Variants in ESRRG observed in about 807,000 individuals in gnomAD.
ESRRG encodes estrogen related receptor gamma.
A neutral mutation model predicts 44.0 loss-of-function variants in ESRRG; 13 were observed. The ratio of observed to expected loss-of-function variants is 0.30; its 90% CI spans 0.19 to 0.47. The LOEUF is 0.47. Ranked by LOEUF, ESRRG falls within the 20% of genes least tolerant of loss-of-function variation. The pLI is 1.00. For synonymous variants in ESRRG, 215 were observed against 214.6 expected (o/e 1.00, Z -0.02); for missense variants, 395 against 580.6 (o/e 0.68, Z 3.29).
intron 2 of ESRRG, among the ~76,000 whole-genome samples, chr1:216,813,001 C>T (rs537401753): frequency 1.3e-5 from 2 of 152,226 alleles, no homozygotes; most frequent in African/African-American, 2.4e-5. Context: ...TTAACTGAGA[C>T]AAAAGAATGC....
At position 216,809,325 on chromosome 1, in the gene ESRRG, TAAAAA is replaced by T. The variant is rs201618241; in HGVS notation, c.-14+130252_-14+130256del. On this transcript the variant is annotated intron_variant, in intron 2 of 7. Transcript: ENST00000359162. ...CAAGGGTCTGACTGCTTTTTTACAG[TAAAAA>T]AAAAAAAAAAAAAAAAACCCCATGA... 2.0e-3 allele frequency among the ~76,000 whole-genome samples: 241 copies of T among 119,112 alleles called. 1 individual carries two copies. The highest frequency in any genetic ancestry group is 5.4e-3 in the Admixed American group (63 of 11,636). 78.1% of individuals were successfully genotyped at this position (119,112 alleles called of 152,430 possible).
chr1:216,736,079 G>A (rs1409602725), intron 2 of ESRRG, among the ~76,000 whole-genome samples: 1 of 150,854 alleles, frequency 6.6e-6, no homozygotes, highest in Admixed American at 6.6e-5. Context: ...GAACAGGGGG[G>A]GAGTTTCCCA....
chr1:216,536,596 T>C (rs775759304), intron 5 of ESRRG, among the ~76,000 whole-genome samples: 4 of 152,086 alleles, frequency 2.6e-5, no homozygotes, highest in Non-Finnish European at 5.9e-5. Flanking sequence ...CTCTTCCTTG[T>C]TGTGATGGTT....
chr1:217,061,635 T>A (rs759644352), intron 1 of ESRRG, among the ~76,000 whole-genome samples: 2 of 152,158 alleles, frequency 1.3e-5, no homozygotes, highest in Non-Finnish European at 2.9e-5. Flanking sequence ...CAAGATAGTT[T>A]CTTTATTAAA....
intron 5 of ESRRG, among the ~76,000 whole-genome samples, chr1:216,524,230 C>CATATATATAT (rs200660943): frequency 2.2e-5 from 3 of 134,610 alleles, no homozygotes; most frequent in African/African-American, 8.6e-5. Context: ...TATATATATA[C>CATATATATAT]ATATATATAT....
At chr1:216,618,609 G>T (rs115255979) in intron 3 of ESRRG, among the ~76,000 whole-genome samples, 1,678 of 152,248 alleles carry the variant, frequency 0.011, 33 homozygotes, top group East Asian at 0.06. Context: ...TTATGCAAGT[G>T]GTAGCCCTTA....
At chr1:216,816,221 A>G (rs1349361635) in intron 2 of ESRRG, among the ~76,000 whole-genome samples, 1 of 152,212 alleles carries the variant, frequency 6.6e-6, no homozygotes, top group Non-Finnish European at 1.5e-5. Flanking sequence ...CATGGTTTCA[A>G]AATATATCAC....
At position 216,634,208 on chromosome 1, in the gene ESRRG, G is replaced by A. The variant is rs540828783; in HGVS notation, c.589+16765C>T. ...ATAAGCTTCCAAATGTACAAGCTTC[G>A]GGTTATCTTGGATGAATGTGATTTT... On this transcript the variant is annotated intron_variant, in intron 3 of 6. Transcript: ENST00000408911. Among the ~76,000 whole-genome samples, 4 of 152,204 alleles carry A rather than the reference G, an allele frequency of 2.6e-5. No individual in the cohort carries two copies. In the South Asian group the frequency reaches 6.2e-4, roughly 24 times the overall value.
intron 2 of ESRRG, among the ~76,000 whole-genome samples, chr1:216,787,793 G>A (rs116027947): frequency 0.066 from 9,986 of 152,054 alleles, 388 homozygotes; most frequent in Middle Eastern, 0.14. Context: ...TGAATGTAAA[G>A]CAAAAGTTCT....
chr1:217,095,766 T>C (rs2092414323), intron 1 of ESRRG, among the ~76,000 whole-genome samples: 1 of 152,206 alleles, frequency 6.6e-6, no homozygotes, highest in South Asian at 2.1e-4. Context: ...TGGTGGCACA[T>C]GCCTGTAGTC....
Position 216,530,542 on chromosome 1 carries a change from G to A in ESRRG, c.863-11121C>T, listed in dbSNP as rs561922326. Among the ~76,000 whole-genome samples, 23 of 152,180 alleles carry A rather than the reference G, an allele frequency of 1.5e-4. No homozygotes were observed. In the East Asian group the frequency reaches 1.7e-3, roughly 12 times the overall value. ...AAGATCTTTGTGTAACTGTTTTCCC[G>A]TTTGTGAAGGCCTCACCTACACGCA... On this transcript the variant is annotated intron_variant, in intron 5 of 6. Coordinates refer to ENST00000408911, the MANE Select transcript of ESRRG (RefSeq NM_001438.4).
chr1:216,645,016 C>T (rs921650813), intron 3 of ESRRG, among the ~76,000 whole-genome samples: 1 of 152,146 alleles, frequency 6.6e-6, no homozygotes, highest in Admixed American at 6.5e-5. Context: ...TAAAACCATA[C>T]TGACTGCACT....
At chr1:217,038,167 C>A (rs1385008811) in intron 1 of ESRRG, among the ~76,000 whole-genome samples, 1 of 152,214 alleles carries the variant, frequency 6.6e-6, no homozygotes, top group Non-Finnish European at 1.5e-5. Flanking sequence ...CTAGGCAGTG[C>A]CCCAGAAGGG....
At chr1:216,808,038 T>C (rs1225469054) in intron 2 of ESRRG, among the ~76,000 whole-genome samples, 2 of 152,144 alleles carry the variant, frequency 1.3e-5, no homozygotes, top group Non-Finnish European at 2.9e-5. Context: ...TAGAACCCTA[T>C]AGTTGAGTGA....
chr1:216,995,150 C>T, intron 1 of ESRRG, among the ~76,000 whole-genome samples: 1 of 152,126 alleles, frequency 6.6e-6, no homozygotes, highest in Non-Finnish European at 1.5e-5. Context: ...ATTCTTGACC[C>T]CTGCCCCTCC....
At chr1:216,930,225 T>A (rs2149810262) in intron 2 of ESRRG, among the ~76,000 whole-genome samples, 1 of 152,340 alleles carries the variant, frequency 6.6e-6, no homozygotes, top group East Asian at 1.9e-4. Context: ...CTTCAGATAT[T>A]CTGGGTCTCT....
chr1:216,649,269 A>T (rs2068363831), intron 3 of ESRRG, among the ~76,000 whole-genome samples: 1 of 152,156 alleles, frequency 6.6e-6, no homozygotes, highest in Non-Finnish European at 1.5e-5. Context: ...GTACATATTC[A>T]GCAAAAGGAT....
At chr1:217,020,558 C>A (rs1440852005) in intron 1 of ESRRG, among the ~76,000 whole-genome samples, 2 of 152,068 alleles carry the variant, frequency 1.3e-5, no homozygotes, top group Non-Finnish European at 2.9e-5. Flanking sequence ...TATCTTCTAC[C>A]CTCCACACAA....
intron 1 of ESRRG, among the ~76,000 whole-genome samples, chr1:216,694,163 C>A (rs556973250): frequency 6.6e-6 from 1 of 152,192 alleles, no homozygotes; most frequent in Non-Finnish European, 1.5e-5. Flanking sequence ...GACTTGGTTG[C>A]TAAAGCTGTT....
Sources: allele counts gnomAD v4.1 joint callset (sites outside exome capture counted in the v4.1 genomes callset), GRCh38; gene constraint gnomAD v4.1.1; transcripts MANE v1.5; gene names NCBI Gene and HGNC (gene_info 2026-07-23, HGNC 2026-07-21).